DISP1: variants seen among roughly 807,000 people sequenced by gnomAD.
The protein encoded by DISP1 is dispatched RND transporter family member 1, also known as protein dispatched homolog 1.
Under a neutral mutation model 37.3 loss-of-function variants are expected in DISP1, and 30 were observed. That is an observed-to-expected ratio of 0.80 (90% CI 0.60 to 1.09). The LOEUF is 1.09. Ranked by LOEUF, DISP1 falls within the 50% of genes least tolerant of loss-of-function variation. The probability of loss-of-function intolerance (pLI) is 0.00; values close to 1 mark genes in which losing one functional copy is unlikely to be tolerated. For synonymous variants in DISP1, 634 were observed against 690.2 expected (o/e 0.92, Z 1.28); for missense variants, 1,598 against 1,879.5 (o/e 0.85, Z 2.77).
chr1:223,004,103 G>T lies in DISP1; in HGVS notation c.2706G>T (p.Gly902=), dbSNP rs188019407. The change falls in exon 9 of 9, where the codon GGG becomes GGT. Residue 902 remains glycine, a synonymous_variant. Transcript: ENST00000675850. The surrounding 1 kb of genome is among the most constrained non-coding windows in gnomAD (Gnocchi z 4.9). ...TCATGGAGCTGGAAAGGAGTACAGG[G>T]TACCATTTGGATAGCAAAACCCCAG... ...RAIMELERST[G]YHLDSKTPGP... 8.7e-6 allele frequency: 14 copies of T among 1,614,168 alleles called. No individual in the cohort carries two copies. Among genetic ancestry groups the T allele is most frequent in the Non-Finnish European group, 1.1e-5 (13 of 1,180,032 alleles).
Position 223,005,035 on chromosome 1 carries a change from C to A in DISP1, c.3638C>A (p.Thr1213Asn). The change falls in exon 9 of 9, where the codon ACC becomes AAC. Residue 1213 changes from threonine (T) to asparagine (N), a missense_variant. Transcript: ENST00000675850. ...TAPEKTTYEETHICSEFFNSQ... is the reference protein window; with the variant it reads ...TAPEKTTYEENHICSEFFNSQ... Reference sequence around the variant, plus strand: ...CCTGAGAAGACCACTTATGAAGAGACCCACATCTGCTCTGAATTTTTCAAC... The same window carrying A: ...CCTGAGAAGACCACTTATGAAGAGAACCACATCTGCTCTGAATTTTTCAAC... 1 of 1,614,170 alleles carries A rather than the reference C, an allele frequency of 6.2e-7. No individual in the cohort carries two copies. Among genetic ancestry groups the A allele is most frequent in the South Asian group, 1.1e-5 (1 of 91,090 alleles).
chr1:222,824,678 A>T (rs766419686), intron 1 of DISP1, among the ~76,000 whole-genome samples: 1 of 152,052 alleles, frequency 6.6e-6, no homozygotes, highest in Non-Finnish European at 1.5e-5. Flanking sequence ...AAAGTAGCAG[A>T]TACTTTAAAA....
At chr1:222,990,230 G>A (rs1572712168) in intron 4 of DISP1, among the ~76,000 whole-genome samples, 1 of 152,340 alleles carries the variant, frequency 6.6e-6, no homozygotes, top group East Asian at 1.9e-4. Context: ...GAAAGACACT[G>A]ATTGGAGTAT....
intron 3 of DISP1, among the ~76,000 whole-genome samples, chr1:222,973,649 AC>A (rs1221740796): frequency 6.6e-6 from 1 of 152,176 alleles, no homozygotes; most frequent in Non-Finnish European, 1.5e-5. Context: ...GGTTGCTCTC[AC>A]TTATTTTCCT....
At chr1:222,892,427 A>G (rs1243667319) in intron 1 of DISP1, among the ~76,000 whole-genome samples, 3 of 152,200 alleles carry the variant, frequency 2.0e-5, no homozygotes, top group African/African-American at 4.8e-5. Context: ...GCTTATTCAC[A>G]TAGTATATTT....
rs1183463805 is a variant in DISP1, at chr1:222,890,881, T to C, written c.-158-37549T>C. Among the ~76,000 whole-genome samples the C allele has an allele frequency of 2.0e-5, 3 of 152,114 alleles. No homozygotes were observed. The East Asian group carries it at 5.8e-4, about 29-fold the overall frequency. On this transcript the variant is annotated intron_variant, in intron 1 of 8. Transcript: ENST00000675850. ...TCACATTCACATTGTGTTCTCCCCATGTGCTTGTCTGTGTCCAGATTTCCT... is the reference window on the plus strand; with the variant it reads ...TCACATTCACATTGTGTTCTCCCCACGTGCTTGTCTGTGTCCAGATTTCCT...
At position 223,003,338 on chromosome 1, in the gene DISP1, G is replaced by C; in HGVS notation, c.1941G>C (p.Leu647Phe). The C allele has an allele frequency of 1.2e-6, 2 of 1,614,112 alleles. No homozygotes were observed. The highest frequency in any genetic ancestry group is 2.2e-5 in the South Asian group (2 of 91,080). Residue 647 changes from leucine (L) to phenylalanine (F), a missense_variant, in exon 9 of 9, where the codon TTG becomes TTC. By Grantham distance (22) the Leu-to-Phe change is conservative. Transcript: ENST00000675850. This position sits in a 1 kb window ranked among gnomAD's most constrained non-coding sequence, Gnocchi z 4.3. The stretch of plus-strand genomic sequence containing the variant: ...CAGCTATATTGGTGAATTACGTTTT[G>C]ATGGTCACATGGCTTCCAGCAGTTG... ...AGTAILVNYV[L>F]MVTWLPAVVV...
chr1:222,862,633 A>G (rs1668945966), intron 1 of DISP1, among the ~76,000 whole-genome samples: 1 of 151,698 alleles, frequency 6.6e-6, no homozygotes, highest in African/African-American at 2.4e-5. Flanking sequence ...TCCAGGCTCA[A>G]GTGATCCTCC....
chr1:222,911,622 C>A (rs1008489513), intron 1 of DISP1, among the ~76,000 whole-genome samples: 1 of 152,106 alleles, frequency 6.6e-6, no homozygotes, highest in Non-Finnish European at 1.5e-5. Context: ...ATTGCTCAAA[C>A]AATCCTTCTG....
chr1:222,870,950 C>G (rs1402629099), intron 1 of DISP1, among the ~76,000 whole-genome samples: 1 of 152,100 alleles, frequency 6.6e-6, no homozygotes, highest in East Asian at 1.9e-4. Flanking sequence ...TTTAATGCAT[C>G]TTGAATTAAT....
chr1:223,003,648 G>C lies in DISP1; in HGVS notation c.2251G>C (p.Glu751Gln), dbSNP rs767613451. The C allele has an allele frequency of 6.2e-7, 1 of 1,614,142 alleles. No individual in the cohort carries two copies. The highest frequency in any genetic ancestry group is 1.3e-5 in the African/African-American group (1 of 75,020). Residue 751 changes from glutamate (E) to glutamine (Q), a missense_variant, in exon 9 of 9, where the codon GAG (glutamate) becomes CAG (glutamine). Physicochemically the swap from Glu to Gln is conservative, Grantham distance 29 (BLOSUM62 2). Transcript: ENST00000675850. This position sits in a 1 kb window ranked among gnomAD's most constrained non-coding sequence, Gnocchi z 4.3. ...GAAACTGCCCTCACTGGAGTTATCCGAGTTCCAGGTGTTCCGGTCGTCCCA... is the reference window on the plus strand; with the variant it reads ...GAAACTGCCCTCACTGGAGTTATCCCAGTTCCAGGTGTTCCGGTCGTCCCA... ...KMKLPSLELS[E>Q]FQVFRSSHPF...
rs1553254646 is a variant in DISP1, at chr1:222,984,421, A to AAATATAT, written c.539+1313_539+1314insATATATA. 2.7e-4 allele frequency among the ~76,000 whole-genome samples: 29 copies of AAATATAT among 105,778 alleles called. 3 individuals are homozygous for AAATATAT. Among genetic ancestry groups the AAATATAT allele is most frequent in the East Asian group, 5.2e-4 (2 of 3,868 alleles). The allele number at this position is 105,778 out of a possible 152,430, so 69.4% of individuals were successfully genotyped here. ...TCTGTCTCAAAAAAAAAAAAAAAAA[A>AAATATAT]ATATATATATATATAGAGAGAGAGA... On this transcript the variant is annotated intron_variant, in intron 4 of 8. Transcript: ENST00000675850.
chr1:222,897,921 T>A (rs1671360037), intron 1 of DISP1, among the ~76,000 whole-genome samples: 1 of 152,176 alleles, frequency 6.6e-6, no homozygotes. Context: ...ATATTCCCCA[T>A]CGAATCTGAA....
chr1:222,820,289 T>G (rs1444718198), intron 1 of DISP1, among the ~76,000 whole-genome samples: 2 of 152,190 alleles, frequency 1.3e-5, no homozygotes, highest in Admixed American at 1.3e-4. Flanking sequence ...TCATAAAATA[T>G]CTAACTACGT....
intron 3 of DISP1, among the ~76,000 whole-genome samples, chr1:222,976,682 T>G (rs1298285031): frequency 6.6e-6 from 1 of 151,978 alleles, no homozygotes; most frequent in Non-Finnish European, 1.5e-5. Flanking sequence ...GGGAGTAAAT[T>G]AGTCATAGAT....
chr1:222,938,691 C>T (rs1255323418), intron 2 of DISP1, among the ~76,000 whole-genome samples: 1 of 142,440 alleles, frequency 7.0e-6, no homozygotes, highest in African/African-American at 2.6e-5. Context: ...CATGATCGCA[C>T]CAGTGCACTC....
chr1:222,959,158 A>T (rs1224643268), intron 3 of DISP1, among the ~76,000 whole-genome samples: 4 of 152,212 alleles, frequency 2.6e-5, no homozygotes, highest in South Asian at 2.1e-4. Flanking sequence ...AGAATTTTTT[A>T]AAATTATGAC....
chr1:222,912,578 T>G (rs1303855077), intron 1 of DISP1, among the ~76,000 whole-genome samples: 1 of 152,210 alleles, frequency 6.6e-6, no homozygotes, highest in African/African-American at 2.4e-5. Context: ...TTTTTACTTC[T>G]TTTTACTTCT....
intron 1 of DISP1, among the ~76,000 whole-genome samples, chr1:222,873,308 A>T (rs1669699745): frequency 6.6e-6 from 1 of 152,194 alleles, no homozygotes; most frequent in Non-Finnish European, 1.5e-5. Context: ...TGCAGAGCTG[A>T]GTTCAATTCC....
Sources: allele counts gnomAD v4.1 joint callset (sites outside exome capture counted in the v4.1 genomes callset), GRCh38; gene constraint gnomAD v4.1.1; non-coding constraint Gnocchi (gnomAD v3.1); transcripts MANE v1.5; gene names NCBI Gene and HGNC (gene_info 2026-07-23, HGNC 2026-07-21).